Variants in TOX observed in about 807,000 individuals in gnomAD.
TOX encodes thymocyte selection-associated high mobility group box protein TOX.
TOX carries 11 observed loss-of-function variants against 53.7 expected under a neutral mutation model. The ratio of observed to expected loss-of-function variants is 0.20; its 90% CI spans 0.13 to 0.34. TOX has a LOEUF of 0.34. Ranked by LOEUF, TOX falls within the 10% of genes least tolerant of loss-of-function variation. The pLI is 1.00. For synonymous variants in TOX, 225 were observed against 245.3 expected (o/e 0.92, Z 0.77); for missense variants, 570 against 664.6 (o/e 0.86, Z 1.56).
rs536770127 is a variant in TOX at position 59,061,200 on chromosome 8, G to A, written c.102+57686C>T. Among the ~76,000 whole-genome samples the A allele has an allele frequency of 8.5e-5, 13 of 152,330 alleles. 1 individual carries two copies. The highest frequency in any genetic ancestry group is 2.1e-4 in the South Asian group (1 of 4,826). On this transcript the variant is annotated intron_variant, in intron 1 of 8. Transcript: ENST00000361421. ...ACCAAATCTGTGTTTGAGTGTGTGC[G>A]TGTGTATACTTGTGCATAAAATCAT... is the stretch of plus-strand genomic sequence containing the variant.
At chr8:59,086,864 T>G (rs1042879850) in intron 1 of TOX, among the ~76,000 whole-genome samples, 1 of 152,252 alleles carries the variant, frequency 6.6e-6, no homozygotes, top group Non-Finnish European at 1.5e-5. Flanking sequence ...ATTTATTTCT[T>G]GGATTAGTGC....
At chr8:58,980,040 C>T (rs1283212938) in intron 1 of TOX, among the ~76,000 whole-genome samples, 1 of 152,178 alleles carries the variant, frequency 6.6e-6, no homozygotes, top group Non-Finnish European at 1.5e-5. Context: ...GAGATGGTTG[C>T]ATAGCTCTGT....
In TOX at chr8:59,117,144, G is replaced by A. The variant is rs531808376; in HGVS notation, c.102+1742C>T. Among the ~76,000 whole-genome samples the A allele has an allele frequency of 6.6e-6, 1 of 152,086 alleles. No homozygotes were observed. The highest frequency in any genetic ancestry group is 1.5e-5 in the Non-Finnish European group (1 of 68,036). ...AAAATAGTTCTGAGCTTTTGGTTCCGGTAACTACAGTGGAATAAGTCTTTA... is the reference window on the plus strand; with the variant it reads ...AAAATAGTTCTGAGCTTTTGGTTCCAGTAACTACAGTGGAATAAGTCTTTA... On this transcript the variant is annotated intron_variant, in intron 1 of 8. Transcript: ENST00000361421. This position sits in a 1 kb window ranked among gnomAD's most constrained non-coding sequence, Gnocchi z 4.6.
intron 1 of TOX, among the ~76,000 whole-genome samples, chr8:59,050,459 A>G (rs1262670846): frequency 6.6e-6 from 1 of 152,142 alleles, no homozygotes; most frequent in African/African-American, 2.4e-5. Context: ...TATTTCTTTG[A>G]TCTAGTACTT....
At chr8:59,041,827 T>C (rs975629421) in intron 1 of TOX, among the ~76,000 whole-genome samples, 1 of 152,244 alleles carries the variant, frequency 6.6e-6, no homozygotes, top group African/African-American at 2.4e-5. Context: ...TCATGTTGTA[T>C]GTAAAATGAG....
In TOX at chr8:59,047,438, A is replaced by G. The variant is rs191081195; in HGVS notation, c.102+71448T>C. Among the ~76,000 whole-genome samples, 1,470 of 151,562 alleles carry G rather than the reference A, an allele frequency of 9.7e-3. 27 individuals are homozygous for G. The highest frequency in any genetic ancestry group is 0.034 in the African/African-American group (1,387 of 41,312). On this transcript the variant is annotated intron_variant, in intron 1 of 8. Coordinates refer to ENST00000361421, the MANE Select transcript of TOX (RefSeq NM_014729.3). Reference sequence around the variant, plus strand: ...GAGACGGGGTTTCACCTTGTTAGCCAGGATGGTCTCGATCTCCTGACCTCG... The same window carrying G: ...GAGACGGGGTTTCACCTTGTTAGCCGGGATGGTCTCGATCTCCTGACCTCG...
intron 3 of TOX, among the ~76,000 whole-genome samples, chr8:58,861,962 A>G (rs1444800071): frequency 6.6e-6 from 1 of 152,180 alleles, no homozygotes; most frequent in African/African-American, 2.4e-5. Flanking sequence ...AAGCAAAATT[A>G]AAACCTTATA....
chr8:58,874,242 C>A (rs1811248335), intron 3 of TOX, among the ~76,000 whole-genome samples: 1 of 151,468 alleles, frequency 6.6e-6, no homozygotes, highest in Admixed American at 6.6e-5. Context: ...TTAAAAAAAA[C>A]TTTTGGTATT....
intron 3 of TOX, among the ~76,000 whole-genome samples, chr8:58,922,023 C>T (rs1812083233): frequency 6.6e-6 from 1 of 152,148 alleles, no homozygotes; most frequent in Non-Finnish European, 1.5e-5. Flanking sequence ...CTAATTTTCC[C>T]TCTTTGTTGG....
chr8:59,092,334 A>ATTATATATACATTATATATATTAT (rs1804636617), intron 1 of TOX, among the ~76,000 whole-genome samples: 1 of 133,834 alleles, frequency 7.5e-6, no homozygotes, highest in African/African-American at 2.8e-5. Context: ...TATATTATAT[A>ATTATATATACATTATATATATTAT]TTATATATAC....
chr8:58,859,484 G>C (rs926911529), intron 3 of TOX, among the ~76,000 whole-genome samples: 1 of 152,022 alleles, frequency 6.6e-6, no homozygotes, highest in South Asian at 2.1e-4. Flanking sequence ...TTTACAGTAC[G>C]CTACAATAGA....
chr8:59,081,841 T>G (rs1275642876), intron 1 of TOX, among the ~76,000 whole-genome samples: 3 of 152,138 alleles, frequency 2.0e-5, no homozygotes, highest in Non-Finnish European at 4.4e-5. Flanking sequence ...GGGACTTGAT[T>G]GAAAAAAAAT....
Position 58,815,579 on chromosome 8 carries a change from T to C in TOX, c.1151A>G (p.His384Arg), listed in dbSNP as rs763516424. The change falls in exon 7 of 9, where the codon CAC becomes CGC. Residue 384 changes from histidine (H) to arginine (R), a missense_variant. Transcript: ENST00000361421. ...HYHQQPGMNP[H>R]LTAMHPSLPR... The stretch of plus-strand genomic sequence containing the variant: ...GAGACTAGGATGCATGGCAGTTAGG[T>C]GAGGATTCATTCCCGGTTGTTGGTG... The C allele has an allele frequency of 4.3e-6, 7 of 1,613,748 alleles. No homozygotes were observed. In the African/African-American group the frequency reaches 5.3e-5, roughly 12 times the overall value.
At chr8:58,989,450 G>A (rs7005521) in intron 1 of TOX, among the ~76,000 whole-genome samples, 5,302 of 152,298 alleles carry the variant, frequency 0.035, 263 homozygotes, top group African/African-American at 0.12. Context: ...GTATCCATGA[G>A]AGAAGGGTGC....
intron 1 of TOX, among the ~76,000 whole-genome samples, chr8:58,998,526 T>A (rs59668417): frequency 1.6e-3 from 24 of 14,712 alleles, no homozygotes; most frequent in East Asian, 0.016. Flanking sequence ...TATATATATA[T>A]ATATATATAT....
intron 3 of TOX, among the ~76,000 whole-genome samples, chr8:58,894,391 G>T (rs547707247): frequency 3.3e-5 from 5 of 152,222 alleles, no homozygotes; most frequent in Non-Finnish European, 4.4e-5. Flanking sequence ...TTAGTAAGAA[G>T]TTGAGTTGAA....
At chr8:58,936,128 G>T (rs1425416316) in intron 3 of TOX, among the ~76,000 whole-genome samples, 1 of 152,166 alleles carries the variant, frequency 6.6e-6, no homozygotes, top group Non-Finnish European at 1.5e-5. Context: ...ACCAGCGATT[G>T]CTTCTAACCT....
chr8:58,961,834 G>C (rs1030814627), intron 1 of TOX, among the ~76,000 whole-genome samples: 1 of 152,174 alleles, frequency 6.6e-6, no homozygotes, highest in Non-Finnish European at 1.5e-5. Context: ...TCAACACAAA[G>C]ATAGGCCAGC....
intron 3 of TOX, among the ~76,000 whole-genome samples, chr8:58,888,847 G>A (rs1344919790): frequency 5.3e-5 from 8 of 151,804 alleles, no homozygotes; most frequent in African/African-American, 1.9e-4. Context: ...TTTAATAAGT[G>A]AATCAAGTAA....
Sources: gnomAD v4.1 joint callset for allele counts (sites outside exome capture counted in the v4.1 genomes callset) on GRCh38, gnomAD v4.1.1 for gene constraint, Gnocchi (gnomAD v3.1) non-coding constraint, MANE v1.5 for transcripts, NCBI Gene and HGNC (gene_info 2026-07-23, HGNC 2026-07-21) for gene names.